EXOC6B: variants seen among roughly 807,000 people sequenced by gnomAD.
EXOC6B encodes exocyst complex component 6B, also known as SEC15 homolog B.
A neutral mutation model predicts 113.5 loss-of-function variants in EXOC6B; 54 were observed. The ratio of observed to expected loss-of-function variants is 0.48; its 90% confidence interval spans 0.38 to 0.60. The LOEUF (loss-of-function observed/expected upper bound fraction) is 0.60, where lower values mean the gene tolerates loss of function less well. EXOC6B is among the 20% of genes least tolerant of loss of function. The pLI is 0.00. For missense variants in EXOC6B, 797 were observed against 977.5 expected, an observed-to-expected ratio of 0.82 and a Z score of 2.46; for synonymous variants, 357 against 339.0, an observed-to-expected ratio of 1.05 and a Z score of -0.58.
intron 10 of EXOC6B, 23 bp from the exon 11 acceptor site, chr2:72,513,275 G>A: frequency 6.2e-7 from 1 of 1,611,222 alleles, no homozygotes; most frequent in African/African-American, 1.3e-5. Flanking sequence ...AAAAAAGAAA[G>A]CACAGCTGTC....
intron 19 of EXOC6B, among the ~76,000 whole-genome samples, chr2:72,360,519 G>A (rs904243546): frequency 6.6e-6 from 1 of 152,176 alleles, no homozygotes; most frequent in Admixed American, 6.5e-5. Flanking sequence ...CACTGAGGGA[G>A]AAGCTATGGA....
At chr2:72,212,575 C>G (rs925564784) in intron 20 of EXOC6B, among the ~76,000 whole-genome samples, 2 of 152,170 alleles carry the variant, frequency 1.3e-5, no homozygotes, top group Non-Finnish European at 2.9e-5. Context: ...ATGCATTTGA[C>G]TTAGACAATA....
intron 21 of EXOC6B, among the ~76,000 whole-genome samples, chr2:72,180,471 C>T (rs1678009738): frequency 6.6e-6 from 1 of 152,222 alleles, no homozygotes; most frequent in African/African-American, 2.4e-5. Flanking sequence ...CACACCAGAC[C>T]CATATCCCAC....
intron 18 of EXOC6B, among the ~76,000 whole-genome samples, chr2:72,419,666 G>A (rs1433423046): frequency 6.6e-6 from 1 of 152,162 alleles, no homozygotes; most frequent in Non-Finnish European, 1.5e-5. Context: ...TGCGATATGT[G>A]CTCATAGTTT....
chr2:72,512,821 C>G (rs1401806266), intron 11 of EXOC6B, among the ~76,000 whole-genome samples: 1 of 151,872 alleles, frequency 6.6e-6, no homozygotes, highest in African/African-American at 2.4e-5. Context: ...ATAATACCTA[C>G]CTTTCTAGGG....
intron 6 of EXOC6B, among the ~76,000 whole-genome samples, chr2:72,711,187 T>C (rs1393142994): frequency 1.3e-5 from 2 of 152,218 alleles, no homozygotes; most frequent in African/African-American, 4.8e-5. Flanking sequence ...TTGAGGATTT[T>C]TTTTTTAAAT....
chr2:72,423,850 CG>C (rs1695051912), intron 18 of EXOC6B, among the ~76,000 whole-genome samples: 1 of 152,018 alleles, frequency 6.6e-6, no homozygotes, highest in South Asian at 2.1e-4. Context: ...TAATATCAAA[CG>C]TTTTTTAGGT....
At chr2:72,568,959 C>CAA (rs1245621112) in intron 7 of EXOC6B, among the ~76,000 whole-genome samples, 19 of 135,460 alleles carry the variant, frequency 1.4e-4, no homozygotes, top group African/African-American at 5.5e-4. Flanking sequence ...ACTATCACCA[C>CAA]AAAAAAAAAA....
chr2:72,404,854 T>G (rs185710422), intron 18 of EXOC6B, among the ~76,000 whole-genome samples: 2 of 152,220 alleles, frequency 1.3e-5, no homozygotes, highest in African/African-American at 4.8e-5. Flanking sequence ...CAATGCTGCA[T>G]GGAGAACGAC....
At position 72,492,306 on chromosome 2, in the gene EXOC6B, G is replaced by T. The variant is rs1558726183; in HGVS notation, c.1665+12C>A. Reference sequence around the variant, plus strand: ...ATACTGGCTCGGCTGCCTTCATTAGGAGCAGGTTTACCTCAGTAAGCCCAA... The same window carrying T: ...ATACTGGCTCGGCTGCCTTCATTAGTAGCAGGTTTACCTCAGTAAGCCCAA... On this transcript the variant is annotated intron_variant, in intron 16 of 21. Coordinates refer to ENST00000272427, the MANE Select transcript of EXOC6B (RefSeq NM_015189.3). 1.3e-6 allele frequency: 2 copies of T among 1,553,050 alleles called. No individual in the cohort carries two copies. Among genetic ancestry groups the T allele is most frequent in the Non-Finnish European group, 1.8e-6 (2 of 1,125,492 alleles).
intron 17 of EXOC6B, among the ~76,000 whole-genome samples, chr2:72,469,681 C>G (rs1015290786): frequency 6.6e-6 from 1 of 151,868 alleles, no homozygotes; most frequent in Admixed American, 6.6e-5. Flanking sequence ...GTTCTATTGC[C>G]TAGAACATGG....
intron 18 of EXOC6B, among the ~76,000 whole-genome samples, chr2:72,388,091 A>G (rs144646826): frequency 1.8e-3 from 272 of 152,304 alleles, no homozygotes; most frequent in Admixed American, 3.9e-3. Context: ...CGCTACTGGC[A>G]TATCATGGGT....
chr2:72,554,582 T>TCAC (rs1245902464), intron 8 of EXOC6B, among the ~76,000 whole-genome samples: 1 of 152,154 alleles, frequency 6.6e-6, no homozygotes, highest in African/African-American at 2.4e-5. Flanking sequence ...CCTTCACCTT[T>TCAC]CACCACAATT....
chr2:72,519,718 T>C (rs1038612595), intron 8 of EXOC6B, among the ~76,000 whole-genome samples: 1 of 152,154 alleles, frequency 6.6e-6, no homozygotes, highest in African/African-American at 2.4e-5. Context: ...ATTGACTATA[T>C]TTGGGAAGAT....
intron 1 of EXOC6B, among the ~76,000 whole-genome samples, chr2:72,778,745 C>T (rs1683857322): frequency 6.6e-6 from 1 of 152,164 alleles, no homozygotes; most frequent in Non-Finnish European, 1.5e-5. Context: ...AAAGACTTCA[C>T]TCCTTTGGGG....
intron 6 of EXOC6B, among the ~76,000 whole-genome samples, chr2:72,687,791 A>T (rs1677194090): frequency 6.6e-6 from 1 of 152,142 alleles, no homozygotes; most frequent in South Asian, 2.1e-4. Context: ...TTCTTTATAT[A>T]CTATGTACAG....
intron 5 of EXOC6B, among the ~76,000 whole-genome samples, chr2:72,730,197 T>C (rs1680546069): frequency 6.6e-6 from 1 of 152,182 alleles, no homozygotes; most frequent in South Asian, 2.1e-4. Context: ...TTACAATAGT[T>C]AATTTTATGT....
At chr2:72,212,520 T>C (rs887323594) in intron 20 of EXOC6B, among the ~76,000 whole-genome samples, 1 of 152,202 alleles carries the variant, frequency 6.6e-6, no homozygotes, top group Non-Finnish European at 1.5e-5. Context: ...TTAACTGAAC[T>C]GAAAATCCCT....
At chr2:72,708,126 A>G (rs1277420657) in intron 6 of EXOC6B, among the ~76,000 whole-genome samples, 1 of 152,188 alleles carries the variant, frequency 6.6e-6, no homozygotes, top group Non-Finnish European at 1.5e-5. Context: ...AAAAGTCTCT[A>G]TTGTATAAAG....
Sources: gnomAD v4.1 joint callset for allele counts (sites outside exome capture counted in the v4.1 genomes callset) on GRCh38, gnomAD v4.1.1 for gene constraint, MANE v1.5 for transcripts, NCBI Gene and HGNC (gene_info 2026-07-23, HGNC 2026-07-21) for gene names.